Variants in MAP2 observed in about 807,000 individuals in gnomAD.
MAP2 encodes microtubule-associated protein 2.
In MAP2, 14 loss-of-function variants were observed where a neutral mutation model predicts 137.6. The ratio of observed to expected loss-of-function variants is 0.10; its 90% confidence interval spans 0.07 to 0.16. MAP2 has a LOEUF of 0.16. MAP2 is among the 10% of genes least tolerant of loss of function. The pLI, the probability that MAP2 is intolerant of heterozygous loss-of-function variation, is 1.00. For missense variants in MAP2, 2,088 were observed against 2,191.5 expected (o/e 0.95, Z 0.94); for synonymous variants, 786 against 782.3 (o/e 1.00, Z -0.08).
At chr2:209,658,431 T>G (rs1009358285) in intron 5 of MAP2, among the ~76,000 whole-genome samples, 3 of 152,126 alleles carry the variant, frequency 2.0e-5, no homozygotes, top group Non-Finnish European at 4.4e-5. Context: ...TCTATGTTTC[T>G]GACCTTGCTC....
rs578060839 is a variant in MAP2, at chr2:209,658,609, C to T, written c.262+5177C>T. 8.0e-4 allele frequency among the ~76,000 whole-genome samples: 121 copies of T among 151,930 alleles called. 2 individuals are homozygous for T. The highest frequency in any genetic ancestry group is 2.3e-3 in the Admixed American group (35 of 15,264). ...GCAATGTCTGCCTCCCGGGTTCAAG[C>T]GATTCTCTTGCCTCAGCCTCCAGAG... On this transcript the variant is annotated intron_variant, in intron 5 of 15. Transcript: ENST00000682079.
rs541515893 is a variant in MAP2 at position 209,710,248 on chromosome 2, G to T, written c.5067G>T (p.Gly1689=). 4.1e-4 allele frequency: 647 copies of T among 1,569,180 alleles called. 5 individuals carry two copies. The South Asian group carries it at 7.2e-3, about 17-fold the overall frequency. The change falls in exon 13 of 16, where the codon GGG becomes GGT. Residue 1689 remains glycine, a synonymous_variant. Coordinates refer to ENST00000682079, the MANE Select transcript of MAP2 (RefSeq NM_001375505.1). ...STDNIKYQPK[G]GQVQIVTKKI... ...ACAACATCAAATACCAGCCTAAAGGGGGGCAGGTAAGAATTGCATGAACAC... is the reference window on the plus strand; with the variant it reads ...ACAACATCAAATACCAGCCTAAAGGTGGGCAGGTAAGAATTGCATGAACAC...
intron 1 of MAP2, among the ~76,000 whole-genome samples, chr2:209,460,276 A>G (rs1338882538): frequency 2.0e-5 from 3 of 152,222 alleles, no homozygotes; most frequent in African/African-American, 7.2e-5. Flanking sequence ...AAGATTACTA[A>G]TATCTGACTA....
intron 4 of MAP2, 106 bp from the exon 5 acceptor site, chr2:209,653,036 C>T: frequency 1.3e-6 from 1 of 769,510 alleles, no homozygotes; most frequent in Non-Finnish European, 2.0e-6. Context: ...TTTTCTTTGA[C>T]CATAGAAAGC....
intron 11 of MAP2, chr2:209,704,558 T>C: frequency 6.2e-7 from 1 of 1,612,752 alleles, no homozygotes; most frequent in Non-Finnish European, 8.5e-7. Flanking sequence ...TGACAGTTTA[T>C]TAATACAGCC....
chr2:209,507,561 C>T (rs1186223469), intron 1 of MAP2, 31 bp from the exon 2 acceptor site: 1 of 152,092 alleles, frequency 6.6e-6, no homozygotes, highest in Non-Finnish European at 1.5e-5. Context: ...ACTGATTTAA[C>T]TTACTGGGTA....
At chr2:209,590,951 A>T (rs1211771228) in intron 3 of MAP2, among the ~76,000 whole-genome samples, 1 of 152,204 alleles carries the variant, frequency 6.6e-6, no homozygotes, top group Admixed American at 6.5e-5. Context: ...TATTTAATGC[A>T]TATTATATGC....
chr2:209,501,983 G>A (rs909796418), intron 1 of MAP2, among the ~76,000 whole-genome samples: 9 of 151,936 alleles, frequency 5.9e-5, no homozygotes, highest in Admixed American at 2.6e-4. Flanking sequence ...TATAAAAATT[G>A]TATATATTTA....
chr2:209,687,125 T>C (rs760868324), intron 7 of MAP2, among the ~76,000 whole-genome samples: 146 of 151,294 alleles, frequency 9.7e-4, no homozygotes, highest in Non-Finnish European at 1.6e-3. Flanking sequence ...GCATTGTAGA[T>C]TTTTCTTAAC....
In MAP2 at chr2:209,709,986, C is replaced by T; in HGVS notation, c.4805C>T (p.Thr1602Ile). ...ACTACCCCTGGGTCTACTGCCATCACTCCTGGCACCCCACCAAGTTATTCT... is the reference window on the plus strand; with the variant it reads ...ACTACCCCTGGGTCTACTGCCATCATTCCTGGCACCCCACCAAGTTATTCT... ...TPTTPGSTAI[T>I]PGTPPSYSSR... The change falls in exon 13 of 16, where the codon ACT (threonine) becomes ATT (isoleucine). Residue 1602 changes from threonine (T) to isoleucine (I), a missense_variant. Physicochemically the swap from Thr to Ile is moderately conservative, Grantham distance 89. Coordinates refer to ENST00000682079, the MANE Select transcript of MAP2 (RefSeq NM_001375505.1). The T allele has an allele frequency of 6.2e-7, 1 of 1,614,016 alleles. No homozygotes were observed.
chr2:209,554,575 C>T (rs2070043012), intron 2 of MAP2, among the ~76,000 whole-genome samples: 1 of 151,946 alleles, frequency 6.6e-6, no homozygotes, highest in South Asian at 2.1e-4. Context: ...ATTGTTTGAG[C>T]ATAGGAGTTT....
chr2:209,666,466 G>C (rs2046347460), intron 5 of MAP2, among the ~76,000 whole-genome samples: 1 of 152,002 alleles, frequency 6.6e-6, no homozygotes, highest in African/African-American at 2.4e-5. Flanking sequence ...AATAACAAGA[G>C]GATAACGAGA....
chr2:209,469,822 G>C (rs998754486), intron 1 of MAP2, among the ~76,000 whole-genome samples: 1 of 152,196 alleles, frequency 6.6e-6, no homozygotes, highest in Admixed American at 6.5e-5. Flanking sequence ...ACTAGGATTT[G>C]AGTTCTAGCA....
chr2:209,471,929 TA>T (rs1339607577), intron 1 of MAP2, among the ~76,000 whole-genome samples: 1 of 152,128 alleles, frequency 6.6e-6, no homozygotes, highest in Non-Finnish European at 1.5e-5. Context: ...GTTGAAAAGA[TA>T]AATAAATCAA....
In MAP2 at chr2:209,542,634, G is replaced by C. The variant is rs2067255588; in HGVS notation, c.-172+34993G>C. On this transcript the variant is annotated intron_variant, in intron 2 of 15. Coordinates refer to ENST00000682079, the MANE Select transcript of MAP2 (RefSeq NM_001375505.1). ...TTTAGCTAGATCTTCTAGAGAACTT[G>C]TGGCATCTTCTCCACTAGCACCTGC... 4.6e-5 allele frequency among the ~76,000 whole-genome samples: 7 copies of C among 152,336 alleles called. No homozygotes were observed. The South Asian group carries it at 1.5e-3, about 32-fold the overall frequency.
chr2:209,560,620 A>G (rs888054273), intron 2 of MAP2, among the ~76,000 whole-genome samples: 1 of 151,882 alleles, frequency 6.6e-6, no homozygotes, highest in Non-Finnish European at 1.5e-5. Flanking sequence ...TGCGGGGATT[A>G]CAAACATGAG....
At chr2:209,448,367 A>C (rs1398862021) in intron 1 of MAP2, among the ~76,000 whole-genome samples, 1 of 152,144 alleles carries the variant, frequency 6.6e-6, no homozygotes, top group Admixed American at 6.5e-5. Context: ...CGTGCTCCCC[A>C]AACCAGAATT....
chr2:209,695,010 G>A lies in MAP2; in HGVS notation c.2840G>A (p.Ser947Asn), dbSNP rs764453874. 1.1e-5 allele frequency: 17 copies of A among 1,614,066 alleles called. No homozygotes were observed. In the South Asian group the frequency reaches 1.5e-4, roughly 15 times the overall value. ...ATCTCTGGTGACAAATCAGGACTGA[G>A]TAAGGAGTTTGACCAAGAGAAGAAA... ...AHISGDKSGL[S>N]KEFDQEKKAN... Residue 947 changes from serine (S) to asparagine (N), a missense_variant, in exon 8 of 16, where the codon AGT becomes AAT. Physicochemically the swap from Ser to Asn is conservative, Grantham distance 46. Coordinates refer to ENST00000682079, the MANE Select transcript of MAP2 (RefSeq NM_001375505.1).
intron 5 of MAP2, among the ~76,000 whole-genome samples, chr2:209,657,691 A>G (rs2041598669): frequency 6.6e-6 from 1 of 151,230 alleles, no homozygotes; most frequent in Admixed American, 6.6e-5. Context: ...GTTTGCAGAT[A>G]TTTTCTCCCA....
Sources: allele counts gnomAD v4.1 joint callset (sites outside exome capture counted in the v4.1 genomes callset), GRCh38; gene constraint gnomAD v4.1.1; transcripts MANE v1.5; gene names NCBI Gene and HGNC (gene_info 2026-07-23, HGNC 2026-07-21).